The following CAST variants were observed in gnomAD, a reference collection of about 807,000 sequenced individuals.
CAST encodes calpastatin.
Under a neutral mutation model 119.6 loss-of-function variants are expected in CAST, and 76 were observed. That is an observed-to-expected ratio of 0.64 (90% confidence interval 0.53 to 0.77). The LOEUF (loss-of-function observed/expected upper bound fraction) is 0.77. Ranked by LOEUF, CAST falls within the 30% of genes least tolerant of loss-of-function variation. The pLI, the probability that CAST is intolerant of heterozygous loss-of-function variation, is 0.00. For missense variants in CAST, 953 were observed against 946.5 expected, an observed-to-expected ratio of 1.01 and a Z score of -0.09; for synonymous variants, 319 against 331.6, an observed-to-expected ratio of 0.96 and a Z score of 0.41.
chr5:96,659,155 T>A (rs1390425754), upstream of CAST, among the ~76,000 whole-genome samples: 1 of 152,176 alleles, frequency 6.6e-6, no homozygotes, highest in African/African-American at 2.4e-5. Context: ...ACATCAAAGA[T>A]CTCTGATCAC....
intron 1 of CAST, among the ~76,000 whole-genome samples, chr5:96,621,346 T>G (rs923350213): frequency 6.6e-6 from 1 of 152,164 alleles, no homozygotes; most frequent in Non-Finnish European, 1.5e-5. Flanking sequence ...CTGTCACATA[T>G]AAGGGCAGGT....
chr5:96,456,191 G>A, the CAST span, among the ~76,000 whole-genome samples: 1 of 152,196 alleles, frequency 6.6e-6, no homozygotes, highest in Admixed American at 6.5e-5. Context: ...GAAAGAAGGA[G>A]CCAATAGGAC....
At chr5:96,124,331 G>A in the CAST span, among the ~76,000 whole-genome samples, 1 of 152,068 alleles carries the variant, frequency 6.6e-6, no homozygotes, top group Admixed American at 6.6e-5. Flanking sequence ...AGCTGAGACT[G>A]CAGGTCCATG....
the CAST span, among the ~76,000 whole-genome samples, chr5:95,983,556 G>A: frequency 6.6e-6 from 1 of 152,060 alleles, no homozygotes; most frequent in East Asian, 1.9e-4. Context: ...CCATAATCGT[G>A]TTACTTTAAA....
the CAST span, among the ~76,000 whole-genome samples, chr5:96,159,571 A>G: frequency 6.6e-6 from 1 of 152,176 alleles, no homozygotes; most frequent in African/African-American, 2.4e-5. Flanking sequence ...TCATACAAAC[A>G]TATACAGGCA....
the CAST span, among the ~76,000 whole-genome samples, chr5:95,977,622 C>G: frequency 6.6e-6 from 1 of 152,026 alleles, no homozygotes; most frequent in African/African-American, 2.4e-5. Context: ...TAGATTCTTC[C>G]ATGATTATAA....
the CAST span, among the ~76,000 whole-genome samples, chr5:96,352,681 A>G: frequency 0.04 from 6,094 of 152,244 alleles, 374 homozygotes; most frequent in African/African-American, 0.14. Flanking sequence ...ACAGGTATGC[A>G]GTTAATATGG....
At chr5:96,165,655 T>C in the CAST span, among the ~76,000 whole-genome samples, 5 of 152,248 alleles carry the variant, frequency 3.3e-5, no homozygotes, top group African/African-American at 1.2e-4. Context: ...ACTGCTTTTA[T>C]TGATTTTTGC....
At chr5:96,278,436 G>A in the CAST span, among the ~76,000 whole-genome samples, 1 of 152,118 alleles carries the variant, frequency 6.6e-6, no homozygotes, top group Non-Finnish European at 1.5e-5. Context: ...TGAGAGATGG[G>A]TGTACCTGCC....
the CAST span, among the ~76,000 whole-genome samples, chr5:95,964,012 T>A: frequency 9.1e-3 from 1,383 of 152,318 alleles, 26 homozygotes; most frequent in African/African-American, 0.029. Flanking sequence ...TGACTTTTTT[T>A]AAAAATTATA....
chr5:96,506,917 G>C, the CAST span, among the ~76,000 whole-genome samples: 1 of 152,296 alleles, frequency 6.6e-6, no homozygotes, highest in African/African-American at 2.4e-5. Context: ...ATCACACACA[G>C]GTTTTGTCCA....
At chr5:96,662,591 G>T (rs1748690153) in intron 1 of CAST, 94 bp downstream of exon 1, 14 of 1,287,276 alleles carry the variant, frequency 1.1e-5, no homozygotes, top group Non-Finnish European at 1.2e-5. Context: ...CCAGGCTGGC[G>T]GGTCTGCAGT....
At chr5:96,198,709 A>G in the CAST span, among the ~76,000 whole-genome samples, 1 of 152,178 alleles carries the variant, frequency 6.6e-6, no homozygotes, top group East Asian at 1.9e-4. Flanking sequence ...ATGAAGCCCA[A>G]TAATGATCCC....
chr5:96,555,443 A>G (rs1746218964), intron 1 of CAST, among the ~76,000 whole-genome samples: 1 of 152,178 alleles, frequency 6.6e-6, no homozygotes, highest in Non-Finnish European at 1.5e-5. Context: ...CTCACCCAGG[A>G]AGTGCAAGGG....
chr5:96,540,509 A>G (rs1745892939), intron 1 of CAST, among the ~76,000 whole-genome samples: 1 of 152,224 alleles, frequency 6.6e-6, no homozygotes, highest in African/African-American at 2.4e-5. Flanking sequence ...GCTCTCATAT[A>G]TCCCCACATA....
At chr5:96,120,265 T>C in the CAST span, among the ~76,000 whole-genome samples, 5,101 of 152,194 alleles carry the variant, frequency 0.034, 156 homozygotes, top group South Asian at 0.078. Context: ...CTGTTGGGTA[T>C]GAGCCAAGAA....
intron 10 of CAST, among the ~76,000 whole-genome samples, chr5:96,737,505 ATTTTG>A (rs998533288): frequency 5.3e-5 from 8 of 152,098 alleles, no homozygotes; most frequent in African/African-American, 1.2e-4. Context: ...AATTCCCTGT[ATTTTG>A]TTTTGTTTTG....
At chr5:96,349,027 G>A in the CAST span, among the ~76,000 whole-genome samples, 5 of 151,724 alleles carry the variant, frequency 3.3e-5, no homozygotes, top group South Asian at 6.3e-4. Flanking sequence ...GGAAGGACAG[G>A]GATTAAGTCA....
At chr5:96,614,584 T>G (rs1033851664) in intron 1 of CAST, among the ~76,000 whole-genome samples, 2 of 152,148 alleles carry the variant, frequency 1.3e-5, no homozygotes, top group Non-Finnish European at 2.9e-5. Context: ...ATTCATTCAC[T>G]GTGGGGAACG....
Sources: allele counts gnomAD v4.1 joint callset (sites outside exome capture counted in the v4.1 genomes callset), GRCh38; gene constraint gnomAD v4.1.1; transcripts MANE v1.5; gene names NCBI Gene and HGNC (gene_info 2026-07-23, HGNC 2026-07-21).